The following DRC11 variants were observed in gnomAD, a reference collection of about 807,000 sequenced individuals.
DRC11 encodes dynein regulatory complex subunit 11.
chr2:236,446,659 C>T, the DRC11 span, among the ~76,000 whole-genome samples: 37 of 152,302 alleles, frequency 2.4e-4, no homozygotes, highest in African/African-American at 8.2e-4. This position sits in a 1 kb window ranked among gnomAD's most constrained non-coding sequence, Gnocchi z 6.2. Flanking sequence ...ACCCACAGGC[C>T]GAATGCCTGG....
the DRC11 span, among the ~76,000 whole-genome samples, chr2:236,351,869 G>A: frequency 6.6e-6 from 1 of 152,070 alleles, no homozygotes; most frequent in Non-Finnish European, 1.5e-5. The surrounding 1 kb of genome is among the most constrained non-coding windows in gnomAD (Gnocchi z 7.3). Context: ...GGATGGTAAT[G>A]AGGGGGTCAG....
At chr2:236,503,644 C>T in the DRC11 span, 7 of 1,550,882 alleles carry the variant, frequency 4.5e-6, no homozygotes, top group East Asian at 7.3e-5. The surrounding 1 kb of genome is among the most constrained non-coding windows in gnomAD (Gnocchi z 4.9). Context: ...TTTTCCTCAG[C>T]GCTGAGAGAC....
the DRC11 span, among the ~76,000 whole-genome samples, chr2:236,359,230 A>G: frequency 5.3e-5 from 8 of 152,000 alleles, no homozygotes; most frequent in Non-Finnish European, 1.5e-5. The surrounding 1 kb of genome is among the most constrained non-coding windows in gnomAD (Gnocchi z 4.3). Flanking sequence ...TACTATATAT[A>G]TATAGTCTAC....
chr2:236,445,268 T>C, the DRC11 span, among the ~76,000 whole-genome samples: 54 of 152,296 alleles, frequency 3.5e-4, no homozygotes, highest in African/African-American at 1.3e-3. The surrounding 1 kb of genome is among the most constrained non-coding windows in gnomAD (Gnocchi z 4.8). Flanking sequence ...ACATCGACTG[T>C]CATACTAAGA....
chr2:236,432,922 C>A, the DRC11 span, among the ~76,000 whole-genome samples: 4 of 152,122 alleles, frequency 2.6e-5, no homozygotes, highest in Middle Eastern at 6.9e-3. Flanking sequence ...GTGTTTGATC[C>A]TTTTGGAATC....
chr2:236,436,677 A>C, the DRC11 span, among the ~76,000 whole-genome samples: 1 of 152,154 alleles, frequency 6.6e-6, no homozygotes, highest in Admixed American at 6.5e-5. Context: ...ACTATTTTAA[A>C]GTCAGACTCC....
At chr2:236,344,469 G>C in the DRC11 span, 3 of 843,450 alleles carry the variant, frequency 3.6e-6, no homozygotes, top group Non-Finnish European at 5.8e-6. Context: ...GAAAAGGCAA[G>C]ACCTTCTCAA....
At chr2:236,491,175 A>ACACAG in the DRC11 span, among the ~76,000 whole-genome samples, 3 of 62,200 alleles carry the variant, frequency 4.8e-5, no homozygotes, top group East Asian at 3.3e-4. Flanking sequence ...ATATATATAT[A>ACACAG]TATATACACA....
chr2:236,403,655 T>C, the DRC11 span, among the ~76,000 whole-genome samples: 1 of 152,210 alleles, frequency 6.6e-6, no homozygotes, highest in African/African-American at 2.4e-5. Flanking sequence ...TTAGTTGGTG[T>C]GGCTGAACTT....
chr2:236,487,367 A>G, the DRC11 span, among the ~76,000 whole-genome samples: 428 of 152,312 alleles, frequency 2.8e-3, 1 homozygote, highest in African/African-American at 9.6e-3. Context: ...TCCTATTCCT[A>G]TTCAGGGAAA....
chr2:236,362,103 A>C, the DRC11 span, among the ~76,000 whole-genome samples: 1 of 152,238 alleles, frequency 6.6e-6, no homozygotes, highest in African/African-American at 2.4e-5. The surrounding 1 kb of genome is among the most constrained non-coding windows in gnomAD (Gnocchi z 5.7). Context: ...GTGCTTCAAC[A>C]TATATGAAGC....
chr2:236,357,518 A>G, the DRC11 span, among the ~76,000 whole-genome samples: 1 of 126,962 alleles, frequency 7.9e-6, no homozygotes, highest in South Asian at 2.3e-4. Flanking sequence ...TTATAAATAT[A>G]TTTATATATT....
the DRC11 span, chr2:236,380,580 C>A: frequency 6.4e-7 from 1 of 1,551,444 alleles, no homozygotes; most frequent in African/African-American, 1.4e-5. This position sits in a 1 kb window ranked among gnomAD's most constrained non-coding sequence, Gnocchi z 4.9. Context: ...TGTCAGCTGT[C>A]AGATCTTTAT....
At chr2:236,425,460 T>C in the DRC11 span, among the ~76,000 whole-genome samples, 4 of 152,064 alleles carry the variant, frequency 2.6e-5, no homozygotes, top group African/African-American at 7.3e-5. Context: ...GAAATGTCTA[T>C]TCATGTCCTT....
chr2:236,337,062 G>GGCCCC, the DRC11 span, among the ~76,000 whole-genome samples: 853 of 152,258 alleles, frequency 5.6e-3, 10 homozygotes, highest in African/African-American at 0.019. This position sits in a 1 kb window ranked among gnomAD's most constrained non-coding sequence, Gnocchi z 4.9. Context: ...GGTCGACATA[G>GGCCCC]GCCCCGCTCA....
the DRC11 span, among the ~76,000 whole-genome samples, chr2:236,431,569 C>T: frequency 5.3e-5 from 8 of 152,198 alleles, no homozygotes; most frequent in Non-Finnish European, 1.2e-4. This position sits in a 1 kb window ranked among gnomAD's most constrained non-coding sequence, Gnocchi z 4.2. Context: ...TGGGTGGGAA[C>T]ACAACCAAAG....
the DRC11 span, among the ~76,000 whole-genome samples, chr2:236,456,886 C>T: frequency 3.9e-5 from 6 of 152,104 alleles, no homozygotes; most frequent in Non-Finnish European, 8.8e-5. This position sits in a 1 kb window ranked among gnomAD's most constrained non-coding sequence, Gnocchi z 5.4. Context: ...AGAATCAGTC[C>T]CAGGGTCCAG....
At chr2:236,433,200 TTTTCAG>T in the DRC11 span, among the ~76,000 whole-genome samples, 1 of 152,162 alleles carries the variant, frequency 6.6e-6, no homozygotes, top group African/African-American at 2.4e-5. Flanking sequence ...CTATGCTTCA[TTTTCAG>T]AATTCCACTG....
chr2:236,408,691 C>T, the DRC11 span: 32 of 719,614 alleles, frequency 4.4e-5, no homozygotes, highest in Middle Eastern at 4.0e-4. The surrounding 1 kb of genome is among the most constrained non-coding windows in gnomAD (Gnocchi z 5.5). Flanking sequence ...GTAAAGGCCT[C>T]CTTCTTAGAT....
Sources: gnomAD v4.1 joint callset for allele counts (sites outside exome capture counted in the v4.1 genomes callset) on GRCh38, gnomAD v4.1.1 for gene constraint, Gnocchi (gnomAD v3.1) non-coding constraint, MANE v1.5 for transcripts, NCBI Gene and HGNC (gene_info 2026-07-23, HGNC 2026-07-21) for gene names.